Variants in MYO1B observed in about 807,000 individuals in gnomAD.
MYO1B encodes unconventional myosin-Ib.
MYO1B carries 72 observed loss-of-function variants against 159.7 expected under a neutral mutation model. The ratio of observed to expected loss-of-function variants is 0.45; its 90% CI spans 0.37 to 0.55. MYO1B has a LOEUF of 0.55. MYO1B is among the 20% of genes least tolerant of loss of function. The pLI, the probability that MYO1B is intolerant of heterozygous loss-of-function variation, is 0.00. For missense variants in MYO1B, 1,062 were observed against 1,364.8 expected (o/e 0.78, Z 3.50); for synonymous variants, 468 against 473.8 (o/e 0.99, Z 0.16).
At chr2:191,342,918 T>A (rs966154412) in intron 5 of MYO1B, among the ~76,000 whole-genome samples, 11 of 150,444 alleles carry the variant, frequency 7.3e-5, no homozygotes, top group African/African-American at 1.0e-4. Context: ...AAAAAAAAAA[T>A]GCTTTATATT....
intron 1 of MYO1B, among the ~76,000 whole-genome samples, chr2:191,275,006 C>T (rs947079058): frequency 6.6e-6 from 1 of 152,116 alleles, no homozygotes; most frequent in African/African-American, 2.4e-5. Context: ...CTCCCAGGTT[C>T]AAGCAGTTCG....
intron 19 of MYO1B, 56 bp from the exon 20 acceptor site, chr2:191,393,017 G>C: frequency 6.5e-7 from 1 of 1,527,536 alleles, no homozygotes; most frequent in Non-Finnish European, 9.0e-7. Context: ...TTCCTTTCCT[G>C]TATGCTGTGA....
chr2:191,352,040 G>C (rs55635556), intron 7 of MYO1B, among the ~76,000 whole-genome samples: 3 of 152,046 alleles, frequency 2.0e-5, no homozygotes, highest in Non-Finnish European at 1.5e-5. Context: ...AAGTTGAATG[G>C]GATAGTGCTA....
intron 1 of MYO1B, among the ~76,000 whole-genome samples, chr2:191,261,836 C>T (rs1024746572): frequency 2.6e-5 from 4 of 151,972 alleles, no homozygotes; most frequent in African/African-American, 9.7e-5. Flanking sequence ...GACATATACT[C>T]AAAGAAAAGG....
intron 19 of MYO1B, 150 bp from the exon 20 acceptor site, chr2:191,392,923 A>G (rs945395986): frequency 1.6e-6 from 1 of 630,216 alleles, no homozygotes; most frequent in Non-Finnish European, 2.8e-6. Context: ...ACCATTATCC[A>G]TATCATATAT....
intron 3 of MYO1B, among the ~76,000 whole-genome samples, chr2:191,300,655 T>TTTTTTTTTTTTTTTA (rs61260117): frequency 2.8e-5 from 4 of 145,136 alleles, no homozygotes; most frequent in Non-Finnish European, 6.0e-5. Context: ...TTTTTTTTTT[T>TTTTTTTTTTTTTTTA]AAGAGATGAG....
At chr2:191,355,827 T>C (rs907497727) in intron 7 of MYO1B, among the ~76,000 whole-genome samples, 4 of 152,160 alleles carry the variant, frequency 2.6e-5, no homozygotes, top group African/African-American at 9.7e-5. Flanking sequence ...CATGGAAATG[T>C]AAAGCAAAAG....
At chr2:191,290,493 CA>C (rs1384562967) in intron 2 of MYO1B, among the ~76,000 whole-genome samples, 1 of 151,994 alleles carries the variant, frequency 6.6e-6, no homozygotes, top group Non-Finnish European at 1.5e-5. Context: ...GGGTTAGGGC[CA>C]ACAGTTTTTA....
intron 1 of MYO1B, 126 bp from the exon 2 acceptor site, chr2:191,276,761 A>G (rs759912213): frequency 2.3e-5 from 26 of 1,129,380 alleles, no homozygotes; most frequent in Non-Finnish European, 3.2e-5. Context: ...AGGAGAGGTT[A>G]TGACATTTTT....
At chr2:191,300,269 G>A (rs1689228748) in intron 3 of MYO1B, among the ~76,000 whole-genome samples, 1 of 130,236 alleles carries the variant, frequency 7.7e-6, no homozygotes, top group Admixed American at 8.1e-5. Context: ...TTAAGCAGCT[G>A]CTCAGACTAC....
intron 14 of MYO1B, among the ~76,000 whole-genome samples, chr2:191,382,306 C>T (rs1467414631): frequency 6.6e-6 from 1 of 152,030 alleles, no homozygotes; most frequent in African/African-American, 2.4e-5. Flanking sequence ...ACTGAATTCT[C>T]TTTTATCTTT....
At chr2:191,324,299 T>G (rs761543511) in intron 3 of MYO1B, among the ~76,000 whole-genome samples, 7 of 152,264 alleles carry the variant, frequency 4.6e-5, no homozygotes, top group Non-Finnish European at 7.4e-5. Context: ...TTTCTGTTTC[T>G]TCCCTCTTTT....
At chr2:191,325,235 T>C (rs1690976862) in intron 3 of MYO1B, among the ~76,000 whole-genome samples, 1 of 152,180 alleles carries the variant, frequency 6.6e-6, no homozygotes, top group Admixed American at 6.6e-5. Context: ...GAGACTTGTA[T>C]ATCTCAATTG....
rs145142739 is a variant in MYO1B at position 191,382,738 on chromosome 2, A to G, written c.1291-542A>G. ...AGCCAGTGTTAGAACCAGTGGATAG[A>G]TTTTCATGTCTTTCCTTATGTTGAA... On this transcript the variant is annotated intron_variant, in intron 14 of 30. Coordinates refer to ENST00000392318, the MANE Select transcript of MYO1B (RefSeq NM_001130158.3). Among the ~76,000 whole-genome samples the G allele has an allele frequency of 1.3e-3, 202 of 152,288 alleles. 1 individual carries two copies. The highest frequency in any genetic ancestry group is 4.6e-3 in the African/African-American group (190 of 41,550).
At chr2:191,248,001 G>A (rs1380712738) in intron 1 of MYO1B, 1 of 985,428 alleles carries the variant, frequency 1.0e-6, no homozygotes, top group East Asian at 1.1e-4. Context: ...GGAAGAAGAG[G>A]GAGTGAGGTG....
intron 23 of MYO1B, chr2:191,402,088 T>C (rs927037051): frequency 6.6e-6 from 1 of 152,322 alleles, no homozygotes; most frequent in Non-Finnish European, 1.5e-5. Flanking sequence ...GGAAGGAATT[T>C]TTGAGTTTTG....
At chr2:191,357,999 CA>C (rs1693411494) in intron 7 of MYO1B, among the ~76,000 whole-genome samples, 1 of 152,188 alleles carries the variant, frequency 6.6e-6, no homozygotes, top group African/African-American at 2.4e-5. Context: ...GTAAAACCTT[CA>C]ACTGCTTTGT....
At chr2:191,318,499 C>G (rs549478478) in intron 3 of MYO1B, among the ~76,000 whole-genome samples, 1 of 152,262 alleles carries the variant, frequency 6.6e-6, no homozygotes, top group South Asian at 2.1e-4. Flanking sequence ...GACCTGATGC[C>G]TGTCTCCAGA....
intron 28 of MYO1B, 64 bp downstream of exon 28, chr2:191,414,244 T>A (rs1697426408): frequency 6.5e-7 from 1 of 1,539,526 alleles, no homozygotes; most frequent in Admixed American, 2.1e-5. Context: ...CACCCTGTTT[T>A]CTGAATGTAA....
Sources: gnomAD v4.1 joint callset for allele counts (sites outside exome capture counted in the v4.1 genomes callset) on GRCh38, gnomAD v4.1.1 for gene constraint, MANE v1.5 for transcripts, NCBI Gene and HGNC (gene_info 2026-07-23, HGNC 2026-07-21) for gene names.